The following TESC variants were observed in gnomAD, a reference collection of about 807,000 sequenced individuals.
The protein encoded by TESC is calcineurin B homologous protein 3.
In TESC, 19 loss-of-function variants were observed where a neutral mutation model predicts 31.0. The observed-to-expected ratio is 0.61, with a 90% CI of 0.43 to 0.90. The LOEUF (loss-of-function observed/expected upper bound fraction) is 0.90. Ranked by LOEUF, TESC falls within the 40% of genes least tolerant of loss-of-function variation. The probability of loss-of-function intolerance (pLI) is 0.00; values close to 1 mark genes in which losing one functional copy is unlikely to be tolerated. For synonymous variants in TESC, 109 were observed against 114.8 expected, an observed-to-expected ratio of 0.95 and a Z score of 0.32; for missense variants, 248 against 303.8, an observed-to-expected ratio of 0.82 and a Z score of 1.36.
intron 1 of TESC, among the ~76,000 whole-genome samples, chr12:117,095,504 G>A (rs936953692): frequency 1.4e-4 from 22 of 152,184 alleles, no homozygotes; most frequent in African/African-American, 4.8e-4. Flanking sequence ...GAAAAAATAC[G>A]GGAGTCTTTT....
chr12:117,075,965 ATG>A (rs1555232410), intron 1 of TESC, among the ~76,000 whole-genome samples: 5 of 121,574 alleles, frequency 4.1e-5, no homozygotes, highest in African/African-American at 6.7e-5. Flanking sequence ...ATATATATAT[ATG>A]TATGTATATA....
chr12:117,057,994 C>T (rs1375819988), intron 2 of TESC, among the ~76,000 whole-genome samples: 4 of 152,100 alleles, frequency 2.6e-5, no homozygotes, highest in East Asian at 3.8e-4. Flanking sequence ...CCGAGGCAGG[C>T]GGATCACTTG....
chr12:117,045,840 G>A (rs1954550084), intron 6 of TESC, among the ~76,000 whole-genome samples: 1 of 152,222 alleles, frequency 6.6e-6, no homozygotes, highest in African/African-American at 2.4e-5. Flanking sequence ...ACACCCAGGT[G>A]GTCACCTGCC....
chr12:117,041,247 G>A (rs191439078), intron 7 of TESC, among the ~76,000 whole-genome samples: 3 of 152,300 alleles, frequency 2.0e-5, no homozygotes, highest in East Asian at 3.9e-4. Context: ...CGGGCGCAAC[G>A]TGTGCAGTCA....
At chr12:117,084,093 CAA>C (rs61594047) in intron 1 of TESC, 164 of 103,290 alleles carry the variant, frequency 1.6e-3, no homozygotes, top group Middle Eastern at 6.3e-3. Context: ...GACTCCATCT[CAA>C]AAAAAAAAAA....
intron 4 of TESC, among the ~76,000 whole-genome samples, chr12:117,047,215 G>A (rs1486864325): frequency 6.6e-6 from 1 of 152,168 alleles, no homozygotes. Flanking sequence ...TCAAAATATT[G>A]TTCCCACAGC....
In TESC at chr12:117,049,112, C is replaced by G. The variant is rs374122867; in HGVS notation, c.256G>C (p.Glu86Gln). 17 of 1,614,070 alleles carry G rather than the reference C, an allele frequency of 1.1e-5. 1 individual carries two copies. The South Asian group carries it at 1.8e-4, about 17-fold the overall frequency. Residue 86 changes from glutamate to glutamine, a missense_variant, in exon 4 of 8, where the codon GAG becomes CAG. Transcript: ENST00000335209. ...PSGLADEINF[E>Q]DFLTIMSYFR... ...TAGGACATGATGGTCAGGAAGTCCT[C>G]GAAATTGATCTCATCAGCCAGGCCA...
In TESC at chr12:117,066,270, G is replaced by T. The variant is rs930873732; in HGVS notation, c.128+9001C>A. Among the ~76,000 whole-genome samples, 5 of 141,704 alleles carry T rather than the reference G, an allele frequency of 3.5e-5. No individual in the cohort carries two copies. The South Asian group carries it at 1.2e-3, about 33-fold the overall frequency. 93.0% of individuals were successfully genotyped at this position (141,704 alleles called of 152,430 possible). A position where few individuals can be genotyped will look rare whatever the true frequency, so the allele number is the denominator to read the frequency against. ...CGCCCAGGCTGGAGTACAGTGGTGC[G>T]ATTTTGGCTCACTGCAGCCTTCACC... is the stretch of plus-strand genomic sequence containing the variant. On this transcript the variant is annotated intron_variant, in intron 2 of 7. Coordinates refer to ENST00000335209, the MANE Select transcript of TESC (RefSeq NM_017899.4).
intron 2 of TESC, among the ~76,000 whole-genome samples, chr12:117,066,433 G>A (rs1396193730): frequency 2.0e-5 from 3 of 149,078 alleles, no homozygotes; most frequent in African/African-American, 5.0e-5. Context: ...GTGCAGTGGC[G>A]CTATCTTGGC....
At chr12:117,058,246 T>C (rs571789508) in intron 2 of TESC, among the ~76,000 whole-genome samples, 1 of 151,952 alleles carries the variant, frequency 6.6e-6, no homozygotes, top group African/African-American at 2.4e-5. Flanking sequence ...CGTCTCAAAA[T>C]ACAAACAAAA....
intron 1 of TESC, among the ~76,000 whole-genome samples, chr12:117,094,033 C>A (rs955469497): frequency 6.6e-6 from 1 of 152,028 alleles, no homozygotes; most frequent in African/African-American, 2.4e-5. Context: ...TCCGTCAGGT[C>A]CCACTTTGTA....
At chr12:117,096,032 C>T (rs1423063246) in intron 1 of TESC, among the ~76,000 whole-genome samples, 1 of 152,214 alleles carries the variant, frequency 6.6e-6, no homozygotes, top group Non-Finnish European at 1.5e-5. Flanking sequence ...GGCCCTAACA[C>T]TGCCTTCCTG....
chr12:117,059,137 G>T (rs1371968597), intron 2 of TESC, among the ~76,000 whole-genome samples: 1 of 152,248 alleles, frequency 6.6e-6, no homozygotes, highest in Non-Finnish European at 1.5e-5. Context: ...TTGGGAGTGG[G>T]ATTCAACACT....
intron 2 of TESC, among the ~76,000 whole-genome samples, chr12:117,070,504 G>C (rs967632035): frequency 6.6e-6 from 1 of 152,140 alleles, no homozygotes; most frequent in East Asian, 1.9e-4. Context: ...AGGCAGTGGT[G>C]ACGGGAATTA....
At chr12:117,066,308 C>T (rs1593007695) in intron 2 of TESC, among the ~76,000 whole-genome samples, 1 of 144,086 alleles carries the variant, frequency 6.9e-6, no homozygotes, top group East Asian at 2.2e-4. Flanking sequence ...CTGGGTTCAA[C>T]AGATGTTCTT....
At chr12:117,086,186 G>A (rs1385114520) in intron 1 of TESC, among the ~76,000 whole-genome samples, 1 of 152,152 alleles carries the variant, frequency 6.6e-6, no homozygotes, top group East Asian at 1.9e-4. Flanking sequence ...TTTGGAGGGC[G>A]ATGAAAATGC....
intron 2 of TESC, among the ~76,000 whole-genome samples, chr12:117,068,370 A>C (rs1260444826): frequency 1.3e-5 from 2 of 152,146 alleles, no homozygotes. Context: ...CCTCTACTAA[A>C]AATACAAAAA....
intron 1 of TESC, among the ~76,000 whole-genome samples, chr12:117,086,230 T>C (rs1251493289): frequency 6.6e-6 from 1 of 152,306 alleles, no homozygotes; most frequent in African/African-American, 2.4e-5. Flanking sequence ...TTTCAAATCA[T>C]TGTGAATGTA....
At chr12:117,070,472 C>T (rs1011749408) in intron 2 of TESC, among the ~76,000 whole-genome samples, 5 of 152,218 alleles carry the variant, frequency 3.3e-5, no homozygotes, top group Middle Eastern at 6.8e-3. Context: ...ACCTCGAAGC[C>T]GACTCTGAAG....
Sources: gnomAD v4.1 joint callset for allele counts (sites outside exome capture counted in the v4.1 genomes callset) on GRCh38, gnomAD v4.1.1 for gene constraint, MANE v1.5 for transcripts, NCBI Gene and HGNC (gene_info 2026-07-23, HGNC 2026-07-21) for gene names.